Variants in RPLP2 observed in about 807,000 individuals in gnomAD.
RPLP2 encodes the protein ribosomal protein lateral stalk subunit P2, also known as large ribosomal subunit protein P2.
In RPLP2, 1 loss-of-function variant was observed where a neutral mutation model predicts 11.5. That is an observed-to-expected ratio of 0.09 (90% confidence interval 0.03 to 0.41). The LOEUF is 0.41. RPLP2 is among the 10% of genes least tolerant of loss of function. RPLP2 has a pLI of 0.98. For missense variants in RPLP2, 177 were observed against 145.6 expected (o/e 1.22, Z -1.11); for synonymous variants, 82 against 55.9 (o/e 1.47, Z -2.08).
chr11:810,884 T>TAAA (rs11306372), intron 2 of RPLP2, among the ~76,000 whole-genome samples: 1 of 141,332 alleles, frequency 7.1e-6, no homozygotes, highest in Admixed American at 7.1e-5. Flanking sequence ...AAGATTGCGT[T>TAAA]AAAAAAAAAA....
In RPLP2 at chr11:812,609, G is replaced by A. The variant is rs1232481013; in HGVS notation, c.247G>A (p.Ala83Thr). Reference sequence around the variant, plus strand: ...TGCTGCCCCAGGCTCTGCAGCCCCTGCTGCTGGTTCTGCCCCTGCTGCAGG... The same window carrying A: ...TGCTGCCCCAGGCTCTGCAGCCCCTACTGCTGGTTCTGCCCCTGCTGCAGG... Reference protein sequence around the residue: ...VSAAPGSAAPAAGSAPAAAEE... With the variant: ...VSAAPGSAAPTAGSAPAAAEE... The change falls in exon 4 of 5, where the codon GCT (alanine) becomes ACT (threonine). Residue 83 changes from alanine (A) to threonine (T), a missense_variant. Transcript: ENST00000321153. The A allele has an allele frequency of 1.9e-6, 3 of 1,609,814 alleles. No individual in the cohort carries two copies. The highest frequency in any genetic ancestry group is 1.7e-6 in the Non-Finnish European group (2 of 1,179,944).
chr11:810,940 G>A (rs1321846530), intron 2 of RPLP2, among the ~76,000 whole-genome samples: 2 of 150,810 alleles, frequency 1.3e-5, no homozygotes, highest in African/African-American at 4.9e-5. Flanking sequence ...GGAGGCCATG[G>A]CGAGTGGATT....
At position 810,324 on chromosome 11, in the gene RPLP2, G is replaced by C; in HGVS notation, c.90G>C (p.Val30=). Residue 30 remains valine, a synonymous_variant, in exon 2 of 5, where the codon GTG becomes GTC. Transcript: ENST00000321153. The part of the protein sequence containing the change: ...AKDIKKILDS[V]GIEADDDRLN... ...ACATCAAGAAGATCTTGGACAGCGT[G>C]GGTATCGAGGCGGACGACGACCGGC... The C allele has an allele frequency of 6.2e-7, 1 of 1,608,760 alleles. No individual in the cohort carries two copies. Among genetic ancestry groups the C allele is most frequent in the South Asian group, 1.1e-5 (1 of 90,344 alleles).
In RPLP2 at chr11:810,218, T is replaced by A. The variant is rs780607024; in HGVS notation, c.-1-16T>A. ...CCGGGGTAACTCCGCCGTCGCGTCC[T>A]CTCCGCCCGCCTCAGGATGCGCTAC... On this transcript the variant is annotated splice_polypyrimidine_tract_variant and intron_variant, in intron 1 of 4. Transcript: ENST00000321153. 15 of 1,525,824 alleles carry A rather than the reference T, an allele frequency of 9.8e-6. No homozygotes were observed. The highest frequency in any genetic ancestry group is 1.3e-5 in the Non-Finnish European group (15 of 1,135,378). The allele number at this position is 1,525,824 out of a possible 1,614,324, so 94.5% of individuals were successfully genotyped here. A position where few individuals can be genotyped will look rare whatever the true frequency, so the allele number is the denominator to read the frequency against.
Position 811,643 on chromosome 11 carries a change from A to G in RPLP2, c.170A>G (p.Gln57Arg), listed in dbSNP as rs774691254. The part of the protein sequence containing the change: ...NGKNIEDVIA[Q>R]GIGKLASVPA... ...AAAAACATTGAAGACGTCATTGCCC[A>G]GGGTGAGTTGATGTGGACGGGCTTT... is the stretch of plus-strand genomic sequence containing the variant. The change falls in exon 3 of 5, where the codon CAG becomes CGG. Residue 57 changes from glutamine to arginine, a missense_variant and splice_region_variant. Coordinates refer to ENST00000321153, the MANE Select transcript of RPLP2 (RefSeq NM_001004.4). 4 of 1,614,134 alleles carry G rather than the reference A, an allele frequency of 2.5e-6. No individual in the cohort carries two copies. Among genetic ancestry groups the G allele is most frequent in the Non-Finnish European group, 3.4e-6 (4 of 1,180,050 alleles).
At chr11:810,825 C>G (rs866310472) in intron 2 of RPLP2, among the ~76,000 whole-genome samples, 1 of 145,696 alleles carries the variant, frequency 6.9e-6, no homozygotes, top group South Asian at 2.2e-4. Flanking sequence ...GGGTACGAGG[C>G]AAAATCGTGA....
intron 2 of RPLP2, 155 bp from the exon 3 acceptor site, chr11:811,442 A>G (rs1011670836): frequency 1.3e-6 from 1 of 752,174 alleles, no homozygotes; most frequent in African/African-American, 1.8e-5. Flanking sequence ...TCACTTCCCA[A>G]GTGAGGCTGG....
chr11:811,073 A>G (rs1461864262), intron 2 of RPLP2, among the ~76,000 whole-genome samples: 1 of 151,092 alleles, frequency 6.6e-6, no homozygotes, highest in Non-Finnish European at 1.5e-5. Flanking sequence ...GCTACTCATG[A>G]GGCTGATGCG....
At chr11:810,504 C>T in intron 2 of RPLP2, 147 bp downstream of exon 2, 1 of 768,252 alleles carries the variant, frequency 1.3e-6, no homozygotes, top group Admixed American at 3.5e-5. Flanking sequence ...AGAAGTAAGC[C>T]GGGCGGAGGT....
chr11:812,845 T>G lies in RPLP2; in HGVS notation c.*9T>G. The G allele has an allele frequency of 6.2e-7, 1 of 1,612,400 alleles. No individual in the cohort carries two copies. The highest frequency in any genetic ancestry group is 8.5e-7 in the Non-Finnish European group (1 of 1,179,714). ...TTGGCCTTTTTGATTAAATTCCTGC[T>G]CCCCTGCAAATAAAGCCTTTTTACA... On this transcript the variant is annotated 3_prime_UTR_variant, in exon 5 of 5. Coordinates refer to ENST00000321153, the MANE Select transcript of RPLP2 (RefSeq NM_001004.4).
At chr11:811,385 T>C in intron 2 of RPLP2, 1 of 599,512 alleles carries the variant, frequency 1.7e-6, no homozygotes, top group Non-Finnish European at 3.0e-6. Context: ...CCTGTGTCCT[T>C]TTGTCAGTCC....
intron 2 of RPLP2, among the ~76,000 whole-genome samples, chr11:810,884 TAAA>T (rs11306372): frequency 7.1e-6 from 1 of 141,378 alleles, no homozygotes; most frequent in African/African-American, 2.7e-5. Flanking sequence ...AAGATTGCGT[TAAA>T]AAAAAAAAAA....
intron 1 of RPLP2, 74 bp downstream of exon 1, chr11:810,113 G>C (rs146929030): frequency 2.5e-6 from 3 of 1,203,518 alleles, no homozygotes; most frequent in Middle Eastern, 3.1e-4. Flanking sequence ...GGGCGGCGGG[G>C]TATTTTTGGG....
intron 2 of RPLP2, 92 bp from the exon 3 acceptor site, chr11:811,505 G>T: frequency 1.3e-6 from 2 of 1,516,748 alleles, no homozygotes; most frequent in South Asian, 1.1e-5. Context: ...ATTCCCATGT[G>T]GGGAACCCAG....
intron 2 of RPLP2, 93 bp from the exon 3 acceptor site, chr11:811,504 T>C: frequency 1.3e-6 from 2 of 1,513,566 alleles, no homozygotes; most frequent in South Asian, 1.1e-5. Flanking sequence ...TATTCCCATG[T>C]GGGGAACCCA....
At chr11:812,729 G>T in intron 4 of RPLP2, 31 bp from the exon 5 acceptor site, 1 of 1,613,132 alleles carries the variant, frequency 6.2e-7, no homozygotes, top group Non-Finnish European at 8.5e-7. Flanking sequence ...CACTTGGGCA[G>T]TGCTCACCAT....
chr11:811,353 G>A, intron 2 of RPLP2: 1 of 571,622 alleles, frequency 1.7e-6, no homozygotes, highest in Non-Finnish European at 3.1e-6. Context: ...CCTATGAGTA[G>A]TCAACATAAG....
intron 2 of RPLP2, among the ~76,000 whole-genome samples, chr11:811,132 G>T (rs1777796462): frequency 6.6e-6 from 1 of 151,930 alleles, no homozygotes; most frequent in South Asian, 2.1e-4. Context: ...AGTAGTGATT[G>T]TGCCACTGCA....
Position 812,848 on chromosome 11 carries a change from C to A in RPLP2, c.*12C>A. On this transcript the variant is annotated 3_prime_UTR_variant, in exon 5 of 5. Transcript: ENST00000321153. ...GCCTTTTTGATTAAATTCCTGCTCC[C>A]CTGCAAATAAAGCCTTTTTACACAT... The A allele has an allele frequency of 6.2e-7, 1 of 1,612,200 alleles. No homozygotes were observed. The highest frequency in any genetic ancestry group is 8.5e-7 in the Non-Finnish European group (1 of 1,179,654).
Sources: gnomAD v4.1 joint callset for allele counts (sites outside exome capture counted in the v4.1 genomes callset) on GRCh38, gnomAD v4.1.1 for gene constraint, MANE v1.5 for transcripts, NCBI Gene and HGNC (gene_info 2026-07-23, HGNC 2026-07-21) for gene names.